The following CACNA1B variants were observed in gnomAD, a reference collection of about 807,000 sequenced individuals.
CACNA1B encodes calcium voltage-gated channel subunit alpha1 B.
A neutral mutation model predicts 247.2 loss-of-function variants in CACNA1B; 70 were observed. The ratio of observed to expected loss-of-function variants is 0.28; its 90% CI spans 0.23 to 0.35. The LOEUF is 0.35. Ranked by LOEUF, CACNA1B falls within the 10% of genes least tolerant of loss-of-function variation. CACNA1B has a pLI of 1.00. For synonymous variants in CACNA1B, 1,231 were observed against 1,294.4 expected, an observed-to-expected ratio of 0.95 and a Z score of 1.05; for missense variants, 2,367 against 3,197.4, an observed-to-expected ratio of 0.74 and a Z score of 6.26.
rs1959290536 is a variant in CACNA1B, at chr9:138,051,789, C to T, written c.3711-303C>T. ...TCCTCGTGCGGGTCTCTTCTGTCCT[C>T]TTAATCCTGGAATCTGGGGTGGGAG... is the stretch of plus-strand genomic sequence containing the variant. On this transcript the variant is annotated intron_variant, in intron 24 of 46. Coordinates refer to ENST00000371372, the MANE Select transcript of CACNA1B (RefSeq NM_000718.4). The surrounding 1 kb of genome is among the most constrained non-coding windows in gnomAD (Gnocchi z 4.3). 6.6e-6 allele frequency among the ~76,000 whole-genome samples: 1 copy of T among 152,176 alleles called. No homozygotes were observed. Among genetic ancestry groups the T allele is most frequent in the Non-Finnish European group, 1.5e-5 (1 of 68,032 alleles).
rs552445383 is a variant in CACNA1B, at chr9:137,961,518, CTT to C, written c.1333+3832_1333+3833del. Among the ~76,000 whole-genome samples the C allele has an allele frequency of 3.2e-3, 493 of 152,208 alleles. 3 individuals carry two copies. The highest frequency in any genetic ancestry group is 5.2e-3 in the Non-Finnish European group (355 of 68,016). ...GGCTATGGCTTTGTCATATATGTCTCTTATTATTCTGAGGTATGTCCCTTTAA... is the reference window on the plus strand; with the variant it reads ...GGCTATGGCTTTGTCATATATGTCTCATTATTCTGAGGTATGTCCCTTTAA... On this transcript the variant is annotated intron_variant, in intron 10 of 46. Coordinates refer to ENST00000371372, the MANE Select transcript of CACNA1B (RefSeq NM_000718.4).
chr9:137,993,202 A>G (rs1485862198), intron 15 of CACNA1B, among the ~76,000 whole-genome samples: 2 of 152,116 alleles, frequency 1.3e-5, no homozygotes, highest in Non-Finnish European at 2.9e-5. Flanking sequence ...GAACTAAATG[A>G]AATTGAAACA....
chr9:137,967,185 C>T (rs1328246684), intron 10 of CACNA1B, among the ~76,000 whole-genome samples: 1 of 152,160 alleles, frequency 6.6e-6, no homozygotes, highest in Admixed American at 6.5e-5. Context: ...TCCCTGCTCT[C>T]ATAATTGTCA....
At chr9:137,884,962 C>G (rs796500497) in intron 3 of CACNA1B, among the ~76,000 whole-genome samples, 2 of 109,086 alleles carry the variant, frequency 1.8e-5, no homozygotes, top group African/African-American at 6.7e-5. Flanking sequence ...CCTCTTCCCC[C>G]CCCCCCTCCT....
At chr9:137,945,143 G>A (rs1957780399) in intron 6 of CACNA1B, among the ~76,000 whole-genome samples, 2 of 152,158 alleles carry the variant, frequency 1.3e-5, no homozygotes, top group African/African-American at 4.8e-5. Flanking sequence ...ATTATTCCTG[G>A]CTGTCCAGCT....
chr9:138,023,345 C>G lies in CACNA1B; in HGVS notation c.2602C>G (p.Arg868Gly). Residue 868 changes from arginine to glycine, a missense_variant, in exon 19 of 47, where the codon CGA becomes GGA. Coordinates refer to ENST00000371372, the MANE Select transcript of CACNA1B (RefSeq NM_000718.4). ...GACCCCCGCGGCGGGGGACCAGGAC[C>G]GAGCAGAGGCCCCGAAGGCGGAGAG... ...DKTPAAGDQD[R>G]AEAPKAESGE... The G allele has an allele frequency of 6.9e-7, 1 of 1,449,248 alleles. No homozygotes were observed. Among genetic ancestry groups the G allele is most frequent in the South Asian group, 1.4e-5 (1 of 73,006 alleles). The allele number at this position is 1,449,248 out of a possible 1,614,324, so 89.8% of individuals were successfully genotyped here. A position where few individuals can be genotyped will look rare whatever the true frequency, so the allele number is the denominator to read the frequency against.
intron 3 of CACNA1B, among the ~76,000 whole-genome samples, chr9:137,896,713 G>A (rs779771278): frequency 3.3e-5 from 5 of 152,186 alleles, no homozygotes; most frequent in African/African-American, 1.2e-4. Context: ...GTTCTTTAAT[G>A]TTTGTTAGAA....
intron 20 of CACNA1B, among the ~76,000 whole-genome samples, chr9:138,030,518 T>G (rs2133449775): frequency 6.6e-6 from 1 of 152,324 alleles, no homozygotes; most frequent in Middle Eastern, 3.4e-3. Context: ...TCTGTATTCA[T>G]GAGGGATGTT....
At chr9:137,960,701 G>A (rs1297450503) in intron 10 of CACNA1B, among the ~76,000 whole-genome samples, 1 of 152,004 alleles carries the variant, frequency 6.6e-6, no homozygotes, top group Non-Finnish European at 1.5e-5. Context: ...TGGGCTGTCG[G>A]TAGCGGTCGA....
chr9:137,918,968 A>G (rs1014815587), intron 6 of CACNA1B, among the ~76,000 whole-genome samples: 3 of 152,226 alleles, frequency 2.0e-5, no homozygotes, highest in Non-Finnish European at 4.4e-5. Flanking sequence ...AACAATTCCC[A>G]CAAAGACAGA....
At chr9:137,929,350 T>A (rs1403365959) in intron 6 of CACNA1B, among the ~76,000 whole-genome samples, 2 of 152,048 alleles carry the variant, frequency 1.3e-5, no homozygotes. Flanking sequence ...GCCCAAGAAT[T>A]TGAGACCAGC....
intron 20 of CACNA1B, among the ~76,000 whole-genome samples, chr9:138,026,923 G>T (rs1025880260): frequency 1.3e-5 from 2 of 152,158 alleles, no homozygotes; most frequent in South Asian, 2.1e-4. Context: ...CCACATCCTT[G>T]CCAATATTCA....
rs952846846 is a variant in CACNA1B, at chr9:137,882,111, C to T, written c.391-633C>T. On this transcript the variant is annotated intron_variant, in intron 2 of 46. Transcript: ENST00000371372. This position sits in a 1 kb window ranked among gnomAD's most constrained non-coding sequence, Gnocchi z 4.0. ...TGCTTCTCATTTCTGTTGTTTTCTG[C>T]CGAGATGTGCATGTTCTGGTTACCC... Among the ~76,000 whole-genome samples, 1 of 152,142 alleles carries T rather than the reference C, an allele frequency of 6.6e-6. No homozygotes were observed. The highest frequency in any genetic ancestry group is 2.4e-5 in the African/African-American group (1 of 41,436).
intron 3 of CACNA1B, among the ~76,000 whole-genome samples, chr9:137,894,287 G>T (rs960060296): frequency 6.6e-6 from 1 of 151,170 alleles, no homozygotes; most frequent in Non-Finnish European, 1.5e-5. Flanking sequence ...TCGCCGGCAC[G>T]GGGGTTGTCT....
At chr9:137,920,066 A>G (rs759878350) in intron 6 of CACNA1B, among the ~76,000 whole-genome samples, 11 of 152,190 alleles carry the variant, frequency 7.2e-5, no homozygotes, top group Non-Finnish European at 1.5e-4. Flanking sequence ...AGTGCTGGGT[A>G]CAGGGGAGCA....
At chr9:138,114,309 C>A in intron 40 of CACNA1B, 69 bp from the exon 41 acceptor site, 1 of 795,396 alleles carries the variant, frequency 1.3e-6, no homozygotes, top group Non-Finnish European at 2.2e-6. Context: ...CCTCACCTTA[C>A]TTCCATACCT....
rs113961208 is a variant in CACNA1B at position 138,020,820 on chromosome 9, C to A, written c.2268-2191C>A. On this transcript the variant is annotated intron_variant, in intron 18 of 46. Transcript: ENST00000371372. The surrounding 1 kb of genome is among the most constrained non-coding windows in gnomAD (Gnocchi z 4.1). ...GTTTCCTGGGCGAGAAGGAGCCACACCTGAATGCAAGGGTGAGGGCAGAGC... is the reference window on the plus strand; with the variant it reads ...GTTTCCTGGGCGAGAAGGAGCCACAACTGAATGCAAGGGTGAGGGCAGAGC... Among the ~76,000 whole-genome samples, 1,383 of 152,342 alleles carry A rather than the reference C, an allele frequency of 9.1e-3. 7 individuals carry two copies. Among genetic ancestry groups the A allele is most frequent in the South Asian group, 0.012 (60 of 4,830 alleles).
rs1361549052 is a variant in CACNA1B at position 138,054,900 on chromosome 9, C to T, written c.3968+894C>T. ...TGTGTGATGACCAATGAGATTGAGC[C>T]CCCTTTGCTAGGGGGATTGGCCGCT... On this transcript the variant is annotated intron_variant, in intron 26 of 46. Transcript: ENST00000371372. The surrounding 1 kb of genome is among the most constrained non-coding windows in gnomAD (Gnocchi z 4.6). 4.6e-5 allele frequency among the ~76,000 whole-genome samples: 7 copies of T among 152,084 alleles called. No homozygotes were observed. The highest frequency in any genetic ancestry group is 1.0e-4 in the Non-Finnish European group (7 of 68,016).
intron 25 of CACNA1B, among the ~76,000 whole-genome samples, chr9:138,053,632 C>T (rs1397697587): frequency 2.3e-5 from 3 of 131,474 alleles, no homozygotes; most frequent in Non-Finnish European, 3.2e-5. Flanking sequence ...CTCATCATGG[C>T]ACCACCCTTC....
Sources: allele counts gnomAD v4.1 joint callset (sites outside exome capture counted in the v4.1 genomes callset), GRCh38; gene constraint gnomAD v4.1.1; non-coding constraint Gnocchi (gnomAD v3.1); transcripts MANE v1.5; gene names NCBI Gene and HGNC (gene_info 2026-07-23, HGNC 2026-07-21).